The following RIPOR2 variants were observed in gnomAD, a reference collection of about 807,000 sequenced individuals.
The protein encoded by RIPOR2 is RHO family interacting cell polarization regulator 2, also known as rho family-interacting cell polarization regulator 2.
RIPOR2 carries 39 observed loss-of-function variants against 114.5 expected under a neutral mutation model. That is an observed-to-expected ratio of 0.34 (90% CI 0.26 to 0.44). The LOEUF is 0.44. Ranked by LOEUF, RIPOR2 falls within the 20% of genes least tolerant of loss-of-function variation. The probability of loss-of-function intolerance (pLI) is 1.00; values close to 1 mark genes in which losing one functional copy is unlikely to be tolerated. For synonymous variants in RIPOR2, 445 were observed against 484.4 expected (o/e 0.92, Z 1.07); for missense variants, 1,007 against 1,255.1 (o/e 0.80, Z 2.99).
Position 25,003,384 on chromosome 6 carries a change from C to CATTATT in RIPOR2, c.76+38461_76+38466dup, listed in dbSNP as rs57985459. Among the ~76,000 whole-genome samples the CATTATT allele has an allele frequency of 5.5e-3, 793 of 143,840 alleles. 5 individuals carry two copies. Among genetic ancestry groups the CATTATT allele is most frequent in the African/African-American group, 0.018 (706 of 39,152 alleles). 94.4% of individuals were successfully genotyped at this position (143,840 alleles called of 152,430 possible). On this transcript the variant is annotated intron_variant, in intron 1 of 13. Transcript: ENST00000510784. ...AATTATCAGTTTTTCAGAATTAACA[C>CATTATT]ATTATTATTATTATTATTATTATTA...
chr6:24,947,385 A>G (rs1048755077), intron 1 of RIPOR2, among the ~76,000 whole-genome samples: 1 of 152,228 alleles, frequency 6.6e-6, no homozygotes, highest in African/African-American at 2.4e-5. Context: ...GTAAGAAATC[A>G]CCATTCCTCT....
chr6:24,923,863 A>G (rs911231843), intron 1 of RIPOR2, among the ~76,000 whole-genome samples: 4 of 152,018 alleles, frequency 2.6e-5, no homozygotes, highest in African/African-American at 9.7e-5. Context: ...AATAAAATAA[A>G]TAAATAAATA....
intron 19 of RIPOR2, among the ~76,000 whole-genome samples, chr6:24,820,935 C>A (rs1412329271): frequency 7.4e-6 from 1 of 135,624 alleles, no homozygotes; most frequent in South Asian, 2.3e-4. Flanking sequence ...TACAGTGGCA[C>A]CATCTCAGCT....
rs1193323235 is a variant in RIPOR2, at chr6:24,873,784, A to C, written c.204T>G (p.Ile68Met). The change falls in exon 3 of 22, where the codon ATT (isoleucine) becomes ATG (methionine). Residue 68 changes from isoleucine to methionine, a missense_variant. Ile to Met is a conservative substitution (Grantham distance 10, BLOSUM62 1). Coordinates refer to ENST00000643898, the MANE Select transcript of RIPOR2 (RefSeq NM_001286445.3). ...GCTTCTTGAGAGCGGAGGAATTTTC[A>C]ATGAAGGAGTTACACCTATGGAAAG... ...QERRSRCNSF[I>M]ENSSALKKPQ... is the part of the protein sequence containing the mutation. The C allele has an allele frequency of 6.2e-7, 1 of 1,611,688 alleles. No individual in the cohort carries two copies. Among genetic ancestry groups the C allele is most frequent in the Non-Finnish European group, 8.5e-7 (1 of 1,179,352 alleles).
intron 1 of RIPOR2, among the ~76,000 whole-genome samples, chr6:24,949,474 G>A (rs1772633896): frequency 6.6e-6 from 1 of 152,168 alleles, no homozygotes; most frequent in African/African-American, 2.4e-5. Flanking sequence ...GCCTCTGCAC[G>A]TGAAGGGTCT....
At chr6:24,932,052 T>G (rs1011203157) in intron 1 of RIPOR2, 5 of 152,642 alleles carry the variant, frequency 3.3e-5, no homozygotes, top group African/African-American at 1.2e-4. Flanking sequence ...ATTGTTGTAG[T>G]CATTACCATT....
chr6:24,902,030 A>G (rs567712694), intron 1 of RIPOR2, among the ~76,000 whole-genome samples: 1 of 152,242 alleles, frequency 6.6e-6, no homozygotes, highest in South Asian at 2.1e-4. Context: ...TTGAACTTAA[A>G]CTTGAGGAAC....
chr6:25,035,723 G>A (rs1777212994), intron 1 of RIPOR2, among the ~76,000 whole-genome samples: 1 of 152,132 alleles, frequency 6.6e-6, no homozygotes. Flanking sequence ...AGGAAGCTGG[G>A]CTGCTCTGTA....
intron 1 of RIPOR2, among the ~76,000 whole-genome samples, chr6:24,985,326 T>G (rs1259149951): frequency 6.6e-6 from 1 of 151,854 alleles, no homozygotes; most frequent in Non-Finnish European, 1.5e-5. Context: ...TAAACTGGAT[T>G]CTGAAAGGCA....
intron 1 of RIPOR2, among the ~76,000 whole-genome samples, chr6:24,941,045 G>C (rs1353400650): frequency 6.6e-6 from 1 of 152,110 alleles, no homozygotes; most frequent in Non-Finnish European, 1.5e-5. Flanking sequence ...TGTCTCATGA[G>C]GAAAACCCTC....
intron 1 of RIPOR2, among the ~76,000 whole-genome samples, chr6:25,020,911 C>T (rs1312146779): frequency 1.3e-5 from 2 of 152,064 alleles, no homozygotes; most frequent in Non-Finnish European, 2.9e-5. Flanking sequence ...GGCTAGAGTG[C>T]AGTGGCGTGA....
intron 18 of RIPOR2, among the ~76,000 whole-genome samples, chr6:24,827,499 G>T (rs1391439618): frequency 6.6e-6 from 1 of 152,160 alleles, no homozygotes; most frequent in Non-Finnish European, 1.5e-5. Context: ...AGGCTCTGTG[G>T]ATTTATAAAG....
rs1257954178 is a variant in RIPOR2, at chr6:24,832,365, T to C, written c.2235A>G (p.Pro745=). 30 of 1,551,986 alleles carry C rather than the reference T, an allele frequency of 1.9e-5. No homozygotes were observed. The African/African-American group carries it at 3.6e-4, about 18-fold the overall frequency. Reference sequence around the variant, plus strand: ...TCTCTAAGAGACTTCTTGCCACAAATGGGGTTTTGCTTGAGAAAACAATTT... The same window carrying C: ...TCTCTAAGAGACTTCTTGCCACAAACGGGGTTTTGCTTGAGAAAACAATTT... The part of the protein sequence containing the change: ...VQQIVFSSKT[P]FVARSLLEKL... The change falls in exon 16 of 22, where the codon CCA becomes CCG. Residue 745 remains proline, a synonymous_variant. Transcript: ENST00000643898.
At chr6:24,976,273 T>G in intron 1 of RIPOR2, 1 of 623,510 alleles carries the variant, frequency 1.6e-6, no homozygotes, top group South Asian at 2.1e-5. Context: ...TTACATATAT[T>G]AGAACGTATA....
chr6:24,843,562 T>C lies in RIPOR2; in HGVS notation c.1165-8A>G. ...GTCATCAGGTAGATTTGACTATAGA[T>C]AAAAGATACCTCATTATTATTTTCA... On this transcript the variant is annotated splice_region_variant and splice_polypyrimidine_tract_variant and intron_variant, in intron 12 of 21. Transcript: ENST00000643898. 1 of 1,483,524 alleles carries C rather than the reference T, an allele frequency of 6.7e-7. No homozygotes were observed. Among genetic ancestry groups the C allele is most frequent in the Non-Finnish European group, 9.0e-7 (1 of 1,110,162 alleles). 91.9% of individuals were successfully genotyped at this position (1,483,524 alleles called of 1,614,324 possible).
In RIPOR2 at chr6:24,843,111, G is replaced by A; in HGVS notation, c.1608C>T (p.Asp536=). Residue 536 remains aspartate, a synonymous_variant, in exon 13 of 22, where the codon GAC becomes GAT. Coordinates refer to ENST00000643898, the MANE Select transcript of RIPOR2 (RefSeq NM_001286445.3). ...GCTTTGTGATGTTTCCTTCCGAAGT[G>A]TCCAGTTCCACAGGCTTGAGCTCAG... is the stretch of plus-strand genomic sequence containing the variant. ...EASELKPVEL[D]TSEGNITKQL... is the part of the protein sequence containing the mutation. The A allele has an allele frequency of 6.2e-7, 1 of 1,613,974 alleles. No homozygotes were observed. The highest frequency in any genetic ancestry group is 1.1e-5 in the South Asian group (1 of 91,076).
At chr6:24,892,061 G>C (rs184408969) in intron 1 of RIPOR2, among the ~76,000 whole-genome samples, 1 of 152,254 alleles carries the variant, frequency 6.6e-6, no homozygotes, top group East Asian at 1.9e-4. Context: ...GTTTCACTAT[G>C]TTGGCCAGGC....
chr6:24,957,810 G>A (rs1773107205), intron 1 of RIPOR2, among the ~76,000 whole-genome samples: 1 of 152,248 alleles, frequency 6.6e-6, no homozygotes, highest in Admixed American at 6.5e-5. Flanking sequence ...AGGAGGCAGA[G>A]CTTGCGGTGA....
At chr6:24,989,979 C>T (rs1362534987) in intron 1 of RIPOR2, among the ~76,000 whole-genome samples, 2 of 151,502 alleles carry the variant, frequency 1.3e-5, no homozygotes, top group African/African-American at 2.4e-5. Flanking sequence ...TGCAGTGAGC[C>T]GAGATCATGC....
Sources: allele counts gnomAD v4.1 joint callset (sites outside exome capture counted in the v4.1 genomes callset), GRCh38; gene constraint gnomAD v4.1.1; transcripts MANE v1.5; gene names NCBI Gene and HGNC (gene_info 2026-07-23, HGNC 2026-07-21).